Variants in HDLBP observed in about 807,000 individuals in gnomAD.
HDLBP encodes vigilin.
Under a neutral mutation model 137.3 loss-of-function variants are expected in HDLBP, and 30 were observed. The ratio of observed to expected loss-of-function variants is 0.22; its 90% CI spans 0.16 to 0.30. The LOEUF (loss-of-function observed/expected upper bound fraction) is 0.30. Ranked by LOEUF, HDLBP falls within the 10% of genes least tolerant of loss-of-function variation. The probability of loss-of-function intolerance (pLI) is 1.00; values close to 1 mark genes in which losing one functional copy is unlikely to be tolerated. For synonymous variants in HDLBP, 606 were observed against 596.0 expected, an observed-to-expected ratio of 1.02 and a Z score of -0.24; for missense variants, 1,119 against 1,667.3, an observed-to-expected ratio of 0.67 and a Z score of 5.73.
chr2:241,272,498 T>C lies in HDLBP; in HGVS notation c.-102-3957A>G. ...CGGCGCCACCGGACTTGAGAAAGTTTGTGCGCGCCCCTCCGCGCCACGGCC... is the reference window on the plus strand; with the variant it reads ...CGGCGCCACCGGACTTGAGAAAGTTCGTGCGCGCCCCTCCGCGCCACGGCC... On this transcript the variant is annotated intron_variant, in intron 1 of 27. Transcript: ENST00000310931. The surrounding 1 kb of genome is among the most constrained non-coding windows in gnomAD (Gnocchi z 5.6). 2 of 983,988 alleles carry C rather than the reference T, an allele frequency of 2.0e-6. No homozygotes were observed. The highest frequency in any genetic ancestry group is 2.4e-6 in the Non-Finnish European group (2 of 829,494). 61.0% of individuals were successfully genotyped at this position (983,988 alleles called of 1,614,324 possible).
At chr2:241,237,165 G>A (rs2070640631) in intron 20 of HDLBP, among the ~76,000 whole-genome samples, 1 of 152,226 alleles carries the variant, frequency 6.6e-6, no homozygotes, top group African/African-American at 2.4e-5. Flanking sequence ...TGACTGTGAG[G>A]CAGGGCTCAT....
At chr2:241,250,209 C>A (rs944351372) in intron 11 of HDLBP, 14 of 408,636 alleles carry the variant, frequency 3.4e-5, no homozygotes, top group Non-Finnish European at 6.1e-5. Context: ...CAGCCTGGAC[C>A]AGAAGCTGGA....
intron 1 of HDLBP, among the ~76,000 whole-genome samples, chr2:241,299,269 C>T (rs1417202230): frequency 1.3e-5 from 2 of 151,860 alleles, no homozygotes; most frequent in African/African-American, 4.8e-5. Flanking sequence ...GCCTGTAATC[C>T]CAGCACTTTG....
chr2:241,240,068 G>A lies in HDLBP; in HGVS notation c.2224C>T (p.Leu742Phe). 1 of 1,614,214 alleles carries A rather than the reference G, an allele frequency of 6.2e-7. No individual in the cohort carries two copies. The highest frequency in any genetic ancestry group is 8.5e-7 in the Non-Finnish European group (1 of 1,180,038). ...IRAKPEYHKF[L>F]IGKGGGKIRK... ...ATTTTGCCGCCCCCCTTGCCGATGA[G>A]GAATTTGTGGTATTCTGGCTTGGCG... The change falls in exon 18 of 28, where the codon CTC becomes TTC. Residue 742 changes from leucine (L) to phenylalanine (F), a missense_variant. Physicochemically the swap from Leu to Phe is conservative, Grantham distance 22 (BLOSUM62 0). Transcript: ENST00000310931. The surrounding 1 kb of genome is among the most constrained non-coding windows in gnomAD (Gnocchi z 5.5).
intron 16 of HDLBP, 89 bp downstream of exon 16, chr2:241,246,663 T>C: frequency 7.6e-7 from 1 of 1,311,262 alleles, no homozygotes; most frequent in Non-Finnish European, 1.1e-6. Flanking sequence ...GCTGGCCCAA[T>C]GACCCTGCGT....
intron 1 of HDLBP, among the ~76,000 whole-genome samples, chr2:241,305,458 G>T (rs2075539966): frequency 6.6e-6 from 1 of 152,170 alleles, no homozygotes. Context: ...AACGGGGCCT[G>T]TGATGGCTAT....
At chr2:241,291,765 T>C (rs1360000884) in intron 1 of HDLBP, among the ~76,000 whole-genome samples, 2 of 152,204 alleles carry the variant, frequency 1.3e-5, no homozygotes, top group African/African-American at 4.8e-5. Flanking sequence ...AATCTTGAGA[T>C]GGGAGATCAT....
At chr2:241,246,475 C>A in intron 16 of HDLBP, 1 of 374,476 alleles carries the variant, frequency 2.7e-6, no homozygotes, top group Middle Eastern at 7.2e-4. Context: ...ACCGTAAATA[C>A]CTTCAGATAA....
chr2:241,268,442 A>C (rs1353344608), intron 2 of HDLBP, 35 bp downstream of exon 2: 1 of 985,442 alleles, frequency 1.0e-6, no homozygotes, highest in African/African-American at 1.7e-5. Flanking sequence ...CACACAGCCC[A>C]GGGACAGGAA....
chr2:241,253,732 C>T (rs780152426), intron 9 of HDLBP, among the ~76,000 whole-genome samples: 1 of 152,170 alleles, frequency 6.6e-6, no homozygotes, highest in African/African-American at 2.4e-5. Flanking sequence ...CTAAGGACAC[C>T]GTTTGCCCCA....
intron 5 of HDLBP, among the ~76,000 whole-genome samples, chr2:241,257,357 C>T (rs1010945871): frequency 1.5e-4 from 23 of 152,286 alleles, no homozygotes; most frequent in South Asian, 1.0e-3. Context: ...CTCAGCCTCT[C>T]GATTAGCTGG....
At chr2:241,236,303 T>C (rs1259027217) in intron 21 of HDLBP, 3 of 367,852 alleles carry the variant, frequency 8.2e-6, no homozygotes, top group East Asian at 5.1e-5. Flanking sequence ...CAACTGGAGG[T>C]CACATTCATC....
chr2:241,262,654 C>T (rs1409751166), intron 5 of HDLBP, 57 bp downstream of exon 5: 11 of 1,337,856 alleles, frequency 8.2e-6, no homozygotes, highest in Admixed American at 3.4e-5. Context: ...GCATCAGGAG[C>T]CGGGTAATGG....
chr2:241,235,177 CCCGGT>C lies in HDLBP; in HGVS notation c.3083_3087del (p.Asp1028GlyfsTer25). The C allele has an allele frequency of 6.2e-7, 1 of 1,614,158 alleles. No individual in the cohort carries two copies. The highest frequency in any genetic ancestry group is 8.5e-7 in the Non-Finnish European group (1 of 1,180,044). ...ACACGCTCCAGCAGTCCAGCCTTGGCCCGGTCCAAATTTGCAGCGAGGCCCGTGAT... is the reference window on the plus strand; with the variant it reads ...ACACGCTCCAGCAGTCCAGCCTTGGCCCAAATTTGCAGCGAGGCCCGTGAT... On this transcript the variant is annotated frameshift_variant, in exon 23 of 28. Coordinates refer to ENST00000310931, the MANE Select transcript of HDLBP (RefSeq NM_005336.6). LOFTEE classifies it high-confidence loss of function.
At chr2:241,249,508 T>C in intron 12 of HDLBP, 1 of 511,218 alleles carries the variant, frequency 2.0e-6, no homozygotes, top group South Asian at 1.6e-5. Flanking sequence ...GAGAACCACC[T>C]GGGATGCCTT....
intron 17 of HDLBP, among the ~76,000 whole-genome samples, chr2:241,241,349 C>T (rs1559490131): frequency 6.6e-6 from 1 of 151,894 alleles, no homozygotes; most frequent in South Asian, 2.1e-4. Flanking sequence ...GGGCGGATCA[C>T]GAGGTCAGGA....
intron 1 of HDLBP, among the ~76,000 whole-genome samples, chr2:241,313,158 T>C (rs1218915108): frequency 1.3e-5 from 2 of 152,238 alleles, no homozygotes; most frequent in African/African-American, 2.4e-5. Context: ...ATTTCCTATG[T>C]CCACACCTTA....
Position 241,239,522 on chromosome 2 carries a change from G to A in HDLBP, c.2610+80C>T. 8.6e-7 allele frequency: 1 copy of A among 1,163,218 alleles called. No homozygotes were observed. The highest frequency in any genetic ancestry group is 2.3e-5 in the East Asian group (1 of 42,770). The allele number at this position is 1,163,218 out of a possible 1,614,324, so 72.1% of individuals were successfully genotyped here. ...TATGAGGGAGTCACCTCCCTACAGG[G>A]TGGAGCGAACACTCATACACGGCTT... On this transcript the variant is annotated intron_variant, in intron 19 of 27. Coordinates refer to ENST00000310931, the MANE Select transcript of HDLBP (RefSeq NM_005336.6). This position sits in a 1 kb window ranked among gnomAD's most constrained non-coding sequence, Gnocchi z 4.6.
At chr2:241,242,857 A>T in intron 16 of HDLBP, 179 bp from the exon 17 acceptor site, 2 of 625,012 alleles carry the variant, frequency 3.2e-6, no homozygotes, top group Non-Finnish European at 5.7e-6. Flanking sequence ...GGGGGAGGAG[A>T]GTGCACGTCC....
Sources: gnomAD v4.1 joint callset for allele counts (sites outside exome capture counted in the v4.1 genomes callset) on GRCh38, gnomAD v4.1.1 for gene constraint, Gnocchi (gnomAD v3.1) non-coding constraint, MANE v1.5 for transcripts, NCBI Gene and HGNC (gene_info 2026-07-23, HGNC 2026-07-21) for gene names.